TP63: variants seen among roughly 807,000 people sequenced by gnomAD.
TP63 encodes the protein tumor protein 63.
Under a neutral mutation model 82.8 loss-of-function variants are expected in TP63, and 17 were observed. The ratio of observed to expected loss-of-function variants is 0.21; its 90% confidence interval spans 0.14 to 0.31. The LOEUF is 0.31. TP63 is among the 10% of genes least tolerant of loss of function. The pLI, the probability that TP63 is intolerant of heterozygous loss-of-function variation, is 1.00. For missense variants in TP63, 648 were observed against 895.3 expected, an observed-to-expected ratio of 0.72 and a Z score of 3.52; for synonymous variants, 330 against 321.7, an observed-to-expected ratio of 1.03 and a Z score of -0.28.
chr3:189,885,224 C>G (rs1294319224), intron 10 of TP63, among the ~76,000 whole-genome samples: 1 of 152,164 alleles, frequency 6.6e-6, no homozygotes, highest in Admixed American at 6.6e-5. Context: ...TCTGTGGTCA[C>G]AGTAATTCAG....
chr3:189,810,859 C>CA lies in TP63; in HGVS notation c.579+2349dup, dbSNP rs11474103. ...GCACAATAGAACAAGAGTCCGTCTC[C>CA]AAAAAAAAAAAAAAAATTAAAGTTA... On this transcript the variant is annotated intron_variant, in intron 4 of 13. Coordinates refer to ENST00000264731, the MANE Select transcript of TP63 (RefSeq NM_003722.5). 3.6e-3 allele frequency among the ~76,000 whole-genome samples: 430 copies of CA among 120,150 alleles called. 8 individuals are homozygous for CA. The highest frequency in any genetic ancestry group is 8.6e-3 in the African/African-American group (263 of 30,744). The allele number at this position is 120,150 out of a possible 152,430, so 78.8% of individuals were successfully genotyped here.
intron 3 of TP63, among the ~76,000 whole-genome samples, chr3:189,759,127 T>A (rs978640164): frequency 1.3e-5 from 2 of 152,240 alleles, no homozygotes; most frequent in African/African-American, 4.8e-5. Flanking sequence ...AATGAACTCC[T>A]ATATAGTTTA....
intron 1 of TP63, among the ~76,000 whole-genome samples, chr3:189,653,443 T>C (rs1713065018): frequency 6.6e-6 from 1 of 152,230 alleles, no homozygotes; most frequent in Admixed American, 6.5e-5. Context: ...CCAGTGTTTA[T>C]ATATTTTTCA....
At position 189,667,818 on chromosome 3, in the gene TP63, AC is replaced by A. The variant is rs539689778; in HGVS notation, c.62+36244del. Reference sequence around the variant, plus strand: ...AGCAAGAGACAGCAAATGTTTTCTGACCCTGGTCCCTATAATCTCTGTTCCA... The same window carrying A: ...AGCAAGAGACAGCAAATGTTTTCTGACCTGGTCCCTATAATCTCTGTTCCA... On this transcript the variant is annotated intron_variant, in intron 1 of 13. Coordinates refer to ENST00000264731, the MANE Select transcript of TP63 (RefSeq NM_003722.5). 1.2e-4 allele frequency among the ~76,000 whole-genome samples: 18 copies of A among 152,204 alleles called. No homozygotes were observed. The East Asian group carries it at 3.5e-3, about 29-fold the overall frequency.
At chr3:189,771,252 C>T (rs1290256355) in intron 3 of TP63, among the ~76,000 whole-genome samples, 5 of 139,394 alleles carry the variant, frequency 3.6e-5, no homozygotes, top group Non-Finnish European at 6.1e-5. Flanking sequence ...CTGCAGGTGA[C>T]ATTTTTGATA....
chr3:189,674,868 A>C (rs1207045471), intron 1 of TP63, among the ~76,000 whole-genome samples: 1 of 152,146 alleles, frequency 6.6e-6, no homozygotes, highest in Non-Finnish European at 1.5e-5. Context: ...AGAAGACCCT[A>C]TGTAGCACAT....
chr3:189,685,861 A>G (rs1286773679), intron 1 of TP63, among the ~76,000 whole-genome samples: 2 of 152,228 alleles, frequency 1.3e-5, no homozygotes, highest in Non-Finnish European at 2.9e-5. Flanking sequence ...CCGAGACAAT[A>G]TGAGCTTTTT....
intron 1 of TP63, chr3:189,645,360 G>A (rs149050297): frequency 7.6e-6 from 4 of 528,784 alleles, no homozygotes; most frequent in African/African-American, 5.7e-5. Context: ...AAGCAGAACT[G>A]TACTGGGTAT....
chr3:189,780,162 G>T (rs1724119647), intron 3 of TP63, among the ~76,000 whole-genome samples: 1 of 145,798 alleles, frequency 6.9e-6, no homozygotes, highest in South Asian at 2.1e-4. Context: ...AGTTATGTGG[G>T]TGTTAAAGAA....
chr3:189,688,572 C>A (rs931955280), intron 1 of TP63, among the ~76,000 whole-genome samples: 5 of 152,150 alleles, frequency 3.3e-5, no homozygotes, highest in Non-Finnish European at 7.3e-5. Flanking sequence ...CACCTGAGTT[C>A]TTATCACTGT....
chr3:189,776,326 C>G (rs1576930346), intron 3 of TP63, among the ~76,000 whole-genome samples: 1 of 152,158 alleles, frequency 6.6e-6, no homozygotes, highest in African/African-American at 2.4e-5. Context: ...CCGTGTTTCC[C>G]TCCAGAGACG....
chr3:189,886,651 C>T, intron 11 of TP63, 100 bp downstream of exon 11: 1 of 1,515,632 alleles, frequency 6.6e-7, no homozygotes, highest in Non-Finnish European at 9.0e-7. Context: ...AAATGAGAGA[C>T]ACAGTGGGAC....
the TP63 span, among the ~76,000 whole-genome samples, chr3:189,612,998 G>A: frequency 6.6e-6 from 1 of 152,220 alleles, no homozygotes; most frequent in Non-Finnish European, 1.5e-5. Flanking sequence ...GGCAAGTGGA[G>A]CATACAACTT....
chr3:189,803,025 G>A (rs1726483542), intron 3 of TP63, among the ~76,000 whole-genome samples: 1 of 152,170 alleles, frequency 6.6e-6, no homozygotes, highest in Non-Finnish European at 1.5e-5. Flanking sequence ...TTGGCCAGGT[G>A]TGGTGTCTCA....
At chr3:189,657,191 A>T (rs1283458832) in intron 1 of TP63, among the ~76,000 whole-genome samples, 2 of 152,050 alleles carry the variant, frequency 1.3e-5, no homozygotes. Context: ...TAAAGGGAAA[A>T]ATATTTAATA....
chr3:189,737,314 T>G (rs2108794780), intron 1 of TP63, among the ~76,000 whole-genome samples: 1 of 152,304 alleles, frequency 6.6e-6, no homozygotes, highest in East Asian at 1.9e-4. Context: ...TGGTTCTATT[T>G]CTTACATGCT....
intron 1 of TP63, among the ~76,000 whole-genome samples, chr3:189,724,191 A>G (rs1363530833): frequency 6.6e-6 from 1 of 152,114 alleles, no homozygotes; most frequent in African/African-American, 2.4e-5. Flanking sequence ...ATGAATGCCC[A>G]GTTGTTATAT....
At chr3:189,612,661 CAGA>C in the TP63 span, among the ~76,000 whole-genome samples, 29 of 152,110 alleles carry the variant, frequency 1.9e-4, no homozygotes, top group Non-Finnish European at 7.4e-5. Flanking sequence ...TTGGAGGGCT[CAGA>C]AGAAGACAGG....
chr3:189,721,647 C>T (rs903836876), intron 1 of TP63, among the ~76,000 whole-genome samples: 4 of 152,108 alleles, frequency 2.6e-5, no homozygotes, highest in Non-Finnish European at 5.9e-5. Flanking sequence ...CTTCAAACCA[C>T]CTGGGAGGCT....
Sources: allele counts gnomAD v4.1 joint callset (sites outside exome capture counted in the v4.1 genomes callset), GRCh38; gene constraint gnomAD v4.1.1; transcripts MANE v1.5; gene names NCBI Gene and HGNC (gene_info 2026-07-23, HGNC 2026-07-21).